MED12L: variants seen among roughly 807,000 people sequenced by gnomAD.
MED12L encodes mediator of RNA polymerase II transcription subunit 12-like protein.
Under a neutral mutation model 281.3 loss-of-function variants are expected in MED12L, and 60 were observed. The observed-to-expected ratio is 0.21, with a 90% CI of 0.17 to 0.26. MED12L has a LOEUF of 0.26. Among genes scored for constraint, MED12L ranks in the 10% least tolerant of loss-of-function variants. The pLI, the probability that MED12L is intolerant of heterozygous loss-of-function variation, is 1.00. For missense variants in MED12L, 2,146 were observed against 2,680.9 expected (o/e 0.80, Z 4.41); for synonymous variants, 974 against 987.2 (o/e 0.99, Z 0.25).
chr3:151,095,725 A>C lies in MED12L; in HGVS notation c.99+8700A>C, dbSNP rs988385375. Among the ~76,000 whole-genome samples, 82 of 152,230 alleles carry C rather than the reference A, an allele frequency of 5.4e-4. 1 individual carries two copies. The highest frequency in any genetic ancestry group is 1.0e-4 in the Non-Finnish European group (7 of 68,014). On this transcript the variant is annotated intron_variant, in intron 2 of 44. Coordinates refer to ENST00000687756, the MANE Select transcript of MED12L (RefSeq NM_001393769.1). ...TTTCCCTTGCCTGCTTCTCACTAAA[A>C]ACTTTTTTTTCTTTTTTTTTAAAGC... is the stretch of plus-strand genomic sequence containing the variant.
At position 151,170,209 on chromosome 3, in the gene MED12L, G is replaced by A. The variant is rs145176495; in HGVS notation, c.1494+4227G>A. ...GAGCTGATTCTGTGCCCACATTGGG[G>A]TGTGCCAGGCTATGTGGTGTGCCTT... is the stretch of plus-strand genomic sequence containing the variant. On this transcript the variant is annotated intron_variant, in intron 11 of 44. Coordinates refer to ENST00000687756, the MANE Select transcript of MED12L (RefSeq NM_001393769.1). Among the ~76,000 whole-genome samples the A allele has an allele frequency of 5.4e-4, 82 of 152,224 alleles. 1 individual carries two copies. In the Middle Eastern group the frequency reaches 0.01, roughly 19 times the overall value.
chr3:151,407,573 G>A (rs1365978505), intron 39 of MED12L, among the ~76,000 whole-genome samples: 2 of 152,168 alleles, frequency 1.3e-5, no homozygotes, highest in East Asian at 3.8e-4. Context: ...GAGCCATTTG[G>A]ATTCTTTGGG....
intron 5 of MED12L, among the ~76,000 whole-genome samples, chr3:151,152,445 A>G (rs192286410): frequency 7.9e-5 from 12 of 152,156 alleles, no homozygotes; most frequent in African/African-American, 2.7e-4. Flanking sequence ...TGATTCCGTA[A>G]ATACTTATCC....
chr3:151,108,484 C>T (rs1337090818), intron 2 of MED12L, among the ~76,000 whole-genome samples: 4 of 152,198 alleles, frequency 2.6e-5, no homozygotes, highest in East Asian at 3.9e-4. Context: ...TACAGACATC[C>T]TTGGGGGTCT....
In MED12L at chr3:151,294,662, A is replaced by G. The variant is rs748636694; in HGVS notation, c.2251-55397A>G. 2.5e-6 allele frequency: 4 copies of G among 1,614,180 alleles called. No individual in the cohort carries two copies. In the East Asian group the frequency reaches 8.9e-5, roughly 36 times the overall value. The stretch of plus-strand genomic sequence containing the variant: ...CCATTTGACCCCCAAAGGACTTTTA[A>G]GTTTTGAGCAGTCATGGATATTGTC... On this transcript the variant is annotated intron_variant, in intron 16 of 44. Transcript: ENST00000687756.
chr3:151,315,785 T>G (rs1009722193), intron 16 of MED12L, among the ~76,000 whole-genome samples: 1 of 152,220 alleles, frequency 6.6e-6, no homozygotes, highest in Non-Finnish European at 1.5e-5. Context: ...AGAAATCTCT[T>G]GTTAAAAATG....
intron 2 of MED12L, among the ~76,000 whole-genome samples, chr3:151,115,755 A>G (rs1712673894): frequency 6.6e-6 from 1 of 152,032 alleles, no homozygotes; most frequent in African/African-American, 2.4e-5. Flanking sequence ...CTTACAGGAA[A>G]GTTAAAAGAA....
At chr3:151,100,568 G>A (rs1277708008) in intron 2 of MED12L, among the ~76,000 whole-genome samples, 2 of 152,220 alleles carry the variant, frequency 1.3e-5, no homozygotes, top group South Asian at 4.1e-4. Flanking sequence ...ATTCTCCTGA[G>A]TTCTGCGAGG....
At chr3:151,246,747 C>A (rs372914153) in intron 16 of MED12L, among the ~76,000 whole-genome samples, 8 of 152,040 alleles carry the variant, frequency 5.3e-5, no homozygotes, top group East Asian at 3.9e-4. Context: ...AAGCAATGGC[C>A]ACAAAAGCCA....
chr3:151,302,091 A>G (rs1201285574), intron 16 of MED12L, among the ~76,000 whole-genome samples: 1 of 152,346 alleles, frequency 6.6e-6, no homozygotes, highest in African/African-American at 2.4e-5. Flanking sequence ...CAGCTATTGT[A>G]TAGATGAACC....
At chr3:151,368,643 TCA>T (rs1240464224) in intron 25 of MED12L, among the ~76,000 whole-genome samples, 87 of 62,660 alleles carry the variant, frequency 1.4e-3, no homozygotes, top group African/African-American at 3.9e-3. Context: ...TCATTTCATT[TCA>T]TTTCATTTCA....
At chr3:151,250,132 C>G (rs73023007) in intron 16 of MED12L, among the ~76,000 whole-genome samples, 10,806 of 152,164 alleles carry the variant, frequency 0.071, 1,277 homozygotes, top group African/African-American at 0.25. Flanking sequence ...CTCCACTTTC[C>G]CATTCACTCT....
intron 16 of MED12L, chr3:151,295,312 C>T (rs1393854264): frequency 1.4e-6 from 1 of 699,266 alleles, no homozygotes; most frequent in Non-Finnish European, 2.5e-6. Flanking sequence ...TTCAGGTGAA[C>T]TTAAAGATGT....
At chr3:151,340,229 A>C (rs1445044050) in intron 16 of MED12L, among the ~76,000 whole-genome samples, 1 of 152,194 alleles carries the variant, frequency 6.6e-6, no homozygotes, top group African/African-American at 2.4e-5. Flanking sequence ...ACCGTTTTGG[A>C]AATTCGACTT....
At position 151,416,338 on chromosome 3, in the gene MED12L, C is replaced by G. The variant is rs548456479; in HGVS notation, c.6324C>G (p.Pro2108=). Residue 2108 remains proline (P), a synonymous_variant, in exon 43 of 45, where the codon CCC becomes CCG. Transcript: ENST00000687756. ...LQMQQPQQPQ[P]QQPPQPQQSS... ...TGCAGCAGCCCCAGCAGCCCCAGCC[C>G]CAGCAGCCTCCCCAGCCCCAGCAGT... The G allele has an allele frequency of 6.2e-7, 1 of 1,611,200 alleles. No individual in the cohort carries two copies. Among genetic ancestry groups the G allele is most frequent in the Non-Finnish European group, 8.5e-7 (1 of 1,178,522 alleles).
intron 16 of MED12L, among the ~76,000 whole-genome samples, chr3:151,204,064 G>T (rs1028367524): frequency 6.6e-6 from 1 of 152,206 alleles, no homozygotes; most frequent in African/African-American, 2.4e-5. Context: ...AGCCTAGCAT[G>T]CTGGGGGACC....
chr3:151,161,111 G>A (rs574779607), intron 8 of MED12L, among the ~76,000 whole-genome samples: 14 of 152,214 alleles, frequency 9.2e-5, no homozygotes, highest in Non-Finnish European at 2.1e-4. Flanking sequence ...AAGTGACACA[G>A]GTAGTTGTGT....
chr3:151,139,244 C>T (rs1716580289), intron 5 of MED12L, among the ~76,000 whole-genome samples: 1 of 152,036 alleles, frequency 6.6e-6, no homozygotes, highest in Non-Finnish European at 1.5e-5. Flanking sequence ...AGGTGCATTC[C>T]ATGTTCATTG....
intron 16 of MED12L, among the ~76,000 whole-genome samples, chr3:151,205,588 C>T (rs945893302): frequency 1.3e-5 from 2 of 152,036 alleles, no homozygotes; most frequent in African/African-American, 2.4e-5. Context: ...ATGTTGGGGT[C>T]GGTGGTCACT....
Sources: gnomAD v4.1 joint callset for allele counts (sites outside exome capture counted in the v4.1 genomes callset) on GRCh38, gnomAD v4.1.1 for gene constraint, MANE v1.5 for transcripts, NCBI Gene and HGNC (gene_info 2026-07-23, HGNC 2026-07-21) for gene names.